PER2: variants seen among roughly 807,000 people sequenced by gnomAD.
The protein encoded by PER2 is period circadian protein homolog 2.
In PER2, 66 loss-of-function variants were observed where a neutral mutation model predicts 121.0. That is an observed-to-expected ratio of 0.55 (90% CI 0.45 to 0.67). PER2 has a LOEUF of 0.67. PER2 is among the 30% of genes least tolerant of loss of function. PER2 has a pLI of 0.00. For synonymous variants in PER2, 684 were observed against 659.9 expected, an observed-to-expected ratio of 1.04 and a Z score of -0.56; for missense variants, 1,521 against 1,635.0, an observed-to-expected ratio of 0.93 and a Z score of 1.20.
At chr2:238,263,361 T>C (rs1008706262) in intron 9 of PER2, among the ~76,000 whole-genome samples, 15 of 152,240 alleles carry the variant, frequency 9.9e-5, no homozygotes, top group African/African-American at 3.6e-4. Flanking sequence ...TTCCAGCATC[T>C]TTTTCTTTTT....
chr2:238,272,613 GGT>G (rs1388222235), intron 5 of PER2, among the ~76,000 whole-genome samples: 1 of 152,244 alleles, frequency 6.6e-6, no homozygotes, highest in Non-Finnish European at 1.5e-5. Context: ...TGGTAGAGTA[GGT>G]GTGTGTGTAT....
chr2:238,265,603 A>G lies in PER2; in HGVS notation c.968-13T>C, dbSNP rs1208555513. On this transcript the variant is annotated splice_polypyrimidine_tract_variant and intron_variant, in intron 8 of 22. Coordinates refer to ENST00000254657, the MANE Select transcript of PER2 (RefSeq NM_022817.3). ...GGAATTCTAGGGGCTGAAAGAACAG[A>G]ATATTGCACACATTTGTGATCCTAA... 2.7e-6 allele frequency: 4 copies of G among 1,459,460 alleles called. No homozygotes were observed. The African/African-American group carries it at 5.6e-5, about 20-fold the overall frequency. 90.4% of individuals were successfully genotyped at this position (1,459,460 alleles called of 1,614,324 possible). A position where few individuals can be genotyped will look rare whatever the true frequency, so the allele number is the denominator to read the frequency against.
intron 1 of PER2, among the ~76,000 whole-genome samples, chr2:238,285,215 G>A (rs768200997): frequency 6.6e-6 from 1 of 152,266 alleles, no homozygotes; most frequent in Non-Finnish European, 1.5e-5. Flanking sequence ...GGTTAAGCTC[G>A]GACCCCTGAC....
At chr2:238,294,799 C>T (rs144564797), upstream of PER2, among the ~76,000 whole-genome samples, 12 of 152,344 alleles carry the variant, frequency 7.9e-5, no homozygotes, top group African/African-American at 2.2e-4. Context: ...AAGTCAGGAG[C>T]GACCAAAGTC....
Position 238,246,300 on chromosome 2 carries a change from C to T in PER2, c.*75G>A. 1.8e-6 allele frequency: 2 copies of T among 1,108,350 alleles called. No homozygotes were observed. Among genetic ancestry groups the T allele is most frequent in the African/African-American group, 1.6e-5 (1 of 64,296 alleles). The allele number at this position is 1,108,350 out of a possible 1,614,324, so 68.7% of individuals were successfully genotyped here. A position where few individuals can be genotyped will look rare whatever the true frequency, so the allele number is the denominator to read the frequency against. On this transcript the variant is annotated 3_prime_UTR_variant, in exon 23 of 23. Transcript: ENST00000254657. ...TATGTGTCCATTTCAGTGGAAACAG[C>T]CATGAAGATCTTTCATCTCTTCCAA...
the PER2 span, among the ~76,000 whole-genome samples, chr2:238,296,693 G>T: frequency 5.1e-4 from 3 of 5,884 alleles, 1 homozygote; most frequent in Admixed American, 2.0e-3. Context: ...TGCAGAGTCA[G>T]TTGTGTGCCC....
intron 13 of PER2, 68 bp downstream of exon 13, chr2:238,260,760 G>A: frequency 6.3e-7 from 1 of 1,577,062 alleles, no homozygotes; most frequent in Non-Finnish European, 8.7e-7. Flanking sequence ...GTTGTCTTGA[G>A]TGTGCTTTTT....
intron 16 of PER2, among the ~76,000 whole-genome samples, chr2:238,257,663 G>A (rs1050866561): frequency 6.6e-6 from 1 of 152,156 alleles, no homozygotes; most frequent in Non-Finnish European, 1.5e-5. Context: ...TAGTAGAGAT[G>A]GGGTTTCACC....
At chr2:238,287,282 T>C (rs1696817294) in intron 1 of PER2, among the ~76,000 whole-genome samples, 1 of 151,974 alleles carries the variant, frequency 6.6e-6, no homozygotes. Context: ...AAAAACGGAG[T>C]CCCTTTCTTC....
intron 1 of PER2, among the ~76,000 whole-genome samples, chr2:238,283,695 G>C (rs1438717728): frequency 6.6e-6 from 1 of 152,230 alleles, no homozygotes; most frequent in Admixed American, 6.5e-5. Flanking sequence ...CACTTCAATG[G>C]AGTTGCAGGG....
intron 4 of PER2, among the ~76,000 whole-genome samples, chr2:238,273,833 A>G (rs1696370259): frequency 6.6e-6 from 1 of 152,102 alleles, no homozygotes; most frequent in South Asian, 2.1e-4. Context: ...ACGCCCAGCT[A>G]ATTTTTGTAT....
chr2:238,250,873 G>A (rs563576059), intron 20 of PER2, 130 bp from the exon 21 acceptor site: 29 of 688,390 alleles, frequency 4.2e-5, no homozygotes, highest in Middle Eastern at 3.8e-4. Context: ...TATCTATGCC[G>A]GTGCATGTTC....
chr2:238,265,701 G>A, intron 8 of PER2, 111 bp from the exon 9 acceptor site: 2 of 735,394 alleles, frequency 2.7e-6, no homozygotes, highest in Admixed American at 2.0e-5. Context: ...AGCAGCTAAA[G>A]AAAAAAATTA....
At chr2:238,249,323 T>G in intron 21 of PER2, 111 bp from the exon 22 acceptor site, 1 of 1,170,532 alleles carries the variant, frequency 8.5e-7, no homozygotes, top group Admixed American at 2.3e-5. Context: ...CAAATTTCCT[T>G]TTCTTTAAAA....
the PER2 span, chr2:238,298,755 G>C: frequency 1.3e-5 from 2 of 152,270 alleles, no homozygotes; most frequent in African/African-American, 4.8e-5. Flanking sequence ...CAGCCAGAGA[G>C]CAAGGCATTG....
intron 12 of PER2, among the ~76,000 whole-genome samples, chr2:238,261,199 A>T (rs935757817): frequency 4.6e-5 from 7 of 152,294 alleles, no homozygotes; most frequent in Admixed American, 4.6e-4. Flanking sequence ...AATGTGTCCA[A>T]CCCGCTCATC....
In PER2 at chr2:238,260,941, T is replaced by A. The variant is rs202012577; in HGVS notation, c.1429A>T (p.Ser477Cys). The change falls in exon 13 of 23, where the codon AGC (serine) becomes TGC (cysteine). Residue 477 changes from serine (S) to cysteine (C), a missense_variant. Physicochemically the swap from Ser to Cys is moderately radical, Grantham distance 112. Coordinates refer to ENST00000254657, the MANE Select transcript of PER2 (RefSeq NM_022817.3). ...AGACTCCCGTAGCCACTGGAGCCGC[T>A]GTGGGGGACGGGCTGGGGAGACAGC... The part of the protein sequence containing the change: ...HRLLLQPVPH[S>C]GSSGYGSLGS... 104 of 1,613,178 alleles carry A rather than the reference T, an allele frequency of 6.4e-5. No homozygotes were observed. In the Admixed American group the frequency reaches 7.0e-4, roughly 11 times the overall value.
intron 20 of PER2, 81 bp downstream of exon 20, chr2:238,251,518 C>T: frequency 7.5e-7 from 1 of 1,337,872 alleles, no homozygotes; most frequent in East Asian, 2.3e-5. Flanking sequence ...GTTCTGAGCA[C>T]AGAGGCCGGC....
chr2:238,262,754 C>A (rs1174884977), intron 10 of PER2, among the ~76,000 whole-genome samples, 198 bp downstream of exon 10: 1 of 152,190 alleles, frequency 6.6e-6, no homozygotes, highest in Non-Finnish European at 1.5e-5. Context: ...CACAAAGGAA[C>A]TCACATGAGT....
Sources: allele counts gnomAD v4.1 joint callset (sites outside exome capture counted in the v4.1 genomes callset), GRCh38; gene constraint gnomAD v4.1.1; transcripts MANE v1.5; gene names NCBI Gene and HGNC (gene_info 2026-07-23, HGNC 2026-07-21).